FBXL13: variants seen among roughly 807,000 people sequenced by gnomAD.
The protein encoded by FBXL13 is F-box and leucine rich repeat protein 13.
Under a neutral mutation model 83.6 loss-of-function variants are expected in FBXL13, and 67 were observed. That is an observed-to-expected ratio of 0.80 (90% CI 0.66 to 0.98). FBXL13 has a LOEUF of 0.98. Ranked by LOEUF, FBXL13 falls within the 50% of genes least tolerant of loss-of-function variation. FBXL13 has a pLI of 0.00. For synonymous variants in FBXL13, 272 were observed against 299.5 expected (o/e 0.91, Z 0.95); for missense variants, 822 against 866.5 (o/e 0.95, Z 0.64).
chr7:102,813,477 A>G (rs2129444490), exon 20 of FBXL13: 4 of 1,614,148 alleles, frequency 2.5e-6, no homozygotes, highest in Middle Eastern at 1.6e-4. Context: ...GTGGAGGGTC[A>G]TTAGTGTTGT....
intron 11 of FBXL13, 122 bp downstream of exon 12, chr7:102,912,964 A>T: frequency 1.5e-6 from 2 of 1,312,176 alleles, no homozygotes; most frequent in Middle Eastern, 2.3e-4. Flanking sequence ...ATGTAATTTA[A>T]AACCTCTGAA....
chr7:102,915,122 ATTTTT>A (rs386410852), intron 10 of FBXL13, among the ~76,000 whole-genome samples: 1 of 128,066 alleles, frequency 7.8e-6, no homozygotes, highest in African/African-American at 2.9e-5. Context: ...AGATTAAAAT[ATTTTT>A]TTTTTTTTTT....
chr7:103,044,903 TCA>T (rs1796115033), intron 2 of FBXL13, among the ~76,000 whole-genome samples: 1 of 152,246 alleles, frequency 6.6e-6, no homozygotes, highest in Admixed American at 6.5e-5. Context: ...TTTGGCTTAC[TCA>T]CAGTTTCCTG....
rs1370738738 is a variant in FBXL13 at position 103,058,596 on chromosome 7, C to T, written c.-104-2849G>A. Among the ~76,000 whole-genome samples the T allele has an allele frequency of 2.6e-5, 4 of 152,172 alleles. No homozygotes were observed. In the East Asian group the frequency reaches 7.7e-4, roughly 29 times the overall value. ...GTTTTTGTATTCCTCACTCTACATC[C>T]TTTTCTCCATCTTATTCTGGCACCC... On this transcript the variant is annotated intron_variant, in intron 1 of 19. Coordinates refer to ENST00000313221, the Ensembl canonical transcript of FBXL13.
chr7:103,060,935 G>A (rs970182515), intron 1 of FBXL13, among the ~76,000 whole-genome samples: 2 of 152,204 alleles, frequency 1.3e-5, no homozygotes, highest in African/African-American at 4.8e-5. Flanking sequence ...GGAGATGGAG[G>A]TAGCACGCTG....
chr7:102,861,231 AT>A (rs1463784821), intron 16 of FBXL13, among the ~76,000 whole-genome samples: 2 of 151,974 alleles, frequency 1.3e-5, no homozygotes, highest in East Asian at 1.9e-4. Context: ...CAACATTCAA[AT>A]TTTTTTGTAT....
chr7:102,885,739 GTTTA>G (rs1810709729), intron 11 of FBXL13, among the ~76,000 whole-genome samples: 1 of 152,080 alleles, frequency 6.6e-6, no homozygotes, highest in African/African-American at 2.4e-5. Context: ...CTTCAAAAGG[GTTTA>G]TTATTTTGGC....
chr7:102,848,954 C>A (rs1339079735), intron 17 of FBXL13, among the ~76,000 whole-genome samples: 1 of 151,964 alleles, frequency 6.6e-6, no homozygotes, highest in Non-Finnish European at 1.5e-5. Context: ...GAGTCGAGAT[C>A]GTGCCATTGC....
At chr7:103,057,275 A>T (rs1797426531) in intron 1 of FBXL13, among the ~76,000 whole-genome samples, 1 of 152,220 alleles carries the variant, frequency 6.6e-6, no homozygotes, top group Non-Finnish European at 1.5e-5. Context: ...TCCATCATAA[A>T]CAATACAATA....
chr7:103,070,287 A>G (rs1051135285), intron 1 of FBXL13, among the ~76,000 whole-genome samples: 11 of 152,080 alleles, frequency 7.2e-5, no homozygotes, highest in Non-Finnish European at 1.6e-4. Flanking sequence ...GCTGGAGTGT[A>G]ATGGTGTGAT....
At chr7:103,020,793 T>C (rs912145830) in intron 6 of FBXL13, among the ~76,000 whole-genome samples, 1 of 152,174 alleles carries the variant, frequency 6.6e-6, no homozygotes, top group Non-Finnish European at 1.5e-5. Flanking sequence ...GAAGGACCTC[T>C]TCGAGGAGAA....
intron 17 of FBXL13, among the ~76,000 whole-genome samples, chr7:102,851,415 T>C (rs1805194049): frequency 6.6e-6 from 1 of 152,076 alleles, no homozygotes; most frequent in South Asian, 2.1e-4. Context: ...AACCCTTTTA[T>C]AGGTTTTTCT....
intron 17 of FBXL13, among the ~76,000 whole-genome samples, chr7:102,847,065 T>C (rs1461827893): frequency 1.3e-5 from 2 of 152,240 alleles, no homozygotes; most frequent in Non-Finnish European, 2.9e-5. Flanking sequence ...TAAAGTTTTA[T>C]TGGAATACAG....
intron 18 of FBXL13, among the ~76,000 whole-genome samples, chr7:102,824,677 G>C (rs1185250340): frequency 1.3e-5 from 2 of 151,826 alleles, no homozygotes; most frequent in Non-Finnish European, 1.5e-5. Context: ...GTAGAGACAG[G>C]GTTTTACCAT....
At chr7:102,921,884 T>C (rs1817101758) in intron 10 of FBXL13, among the ~76,000 whole-genome samples, 2 of 151,754 alleles carry the variant, frequency 1.3e-5, no homozygotes, top group Admixed American at 1.3e-4. Context: ...AACCAAAAAT[T>C]TTGCTCTAAA....
intron 6 of FBXL13, among the ~76,000 whole-genome samples, chr7:103,000,463 T>A (rs1029773561): frequency 6.6e-6 from 1 of 152,266 alleles, no homozygotes; most frequent in Non-Finnish European, 1.5e-5. Flanking sequence ...CTTGATTTAA[T>A]GTCAAGTTTC....
At position 102,970,348 on chromosome 7, in the gene FBXL13, TA is replaced by T. The variant is rs879536381; in HGVS notation, c.496-2232del. Among the ~76,000 whole-genome samples, 19 of 150,038 alleles carry T rather than the reference TA, an allele frequency of 1.3e-4. 2 individuals are homozygous for T. In the South Asian group the frequency reaches 1.5e-3, roughly 12 times the overall value. On this transcript the variant is annotated intron_variant, in intron 6 of 19. Transcript: ENST00000313221. ...GAAATAATAATAAATTCATTTTTTT[TA>T]AAAAAATGAATGAAAAGAAAAAAAG... is the stretch of plus-strand genomic sequence containing the variant.
At chr7:103,035,465 A>G (rs1794977747) in intron 2 of FBXL13, among the ~76,000 whole-genome samples, 1 of 152,216 alleles carries the variant, frequency 6.6e-6, no homozygotes, top group South Asian at 2.1e-4. Context: ...GTTGTAGTAA[A>G]TGAAAAAATA....
At chr7:102,933,317 C>T (rs959337438) in intron 8 of FBXL13, 5 of 152,108 alleles carry the variant, frequency 3.3e-5, no homozygotes, top group Admixed American at 1.3e-4. Context: ...AATTCAAGTC[C>T]TACCCTTGTG....
Sources: gnomAD v4.1 joint callset for allele counts (sites outside exome capture counted in the v4.1 genomes callset) on GRCh38, gnomAD v4.1.1 for gene constraint, MANE v1.5 for transcripts, NCBI Gene and HGNC (gene_info 2026-07-23, HGNC 2026-07-21) for gene names.